KIF21A: variants seen among roughly 807,000 people sequenced by gnomAD.
KIF21A encodes kinesin family member 21A, also known as kinesin-like protein KIF21A.
Under a neutral mutation model 202.9 loss-of-function variants are expected in KIF21A, and 114 were observed. That is an observed-to-expected ratio of 0.56 (90% CI 0.48 to 0.66). The LOEUF (loss-of-function observed/expected upper bound fraction) is 0.66, where lower values mean the gene tolerates loss of function less well. Among genes scored for constraint, KIF21A ranks in the 30% least tolerant of loss-of-function variants. The pLI, the probability that KIF21A is intolerant of heterozygous loss-of-function variation, is 0.00. For missense variants in KIF21A, 1,677 were observed against 1,994.9 expected (o/e 0.84, Z 3.04); for synonymous variants, 667 against 670.8 (o/e 0.99, Z 0.09).
intron 1 of KIF21A, among the ~76,000 whole-genome samples, chr12:39,422,806 A>G (rs530751370): frequency 6.6e-6 from 1 of 152,284 alleles, no homozygotes; most frequent in South Asian, 2.1e-4. Context: ...ATATCCTCTA[A>G]TTTGGCCCCA....
Position 39,397,859 on chromosome 12 carries a change from T to C in KIF21A, c.45-27598A>G, listed in dbSNP as rs565430488. Among the ~76,000 whole-genome samples, 5 of 152,288 alleles carry C rather than the reference T, an allele frequency of 3.3e-5. No individual in the cohort carries two copies. In the South Asian group the frequency reaches 1.0e-3, roughly 32 times the overall value. On this transcript the variant is annotated intron_variant, in intron 1 of 37. Coordinates refer to ENST00000361418, the MANE Select transcript of KIF21A (RefSeq NM_001173464.2). ...TAATGACAGGCACTATCCAGAAACA[T>C]GTAAATAGCTGAATGCAGAGCTTAC...
intron 7 of KIF21A, among the ~76,000 whole-genome samples, chr12:39,360,574 G>A (rs61937872): frequency 0.052 from 7,981 of 152,044 alleles, 314 homozygotes; most frequent in Non-Finnish European, 0.079. Flanking sequence ...GTTTCTATTA[G>A]TAGAAACGGG....
intron 1 of KIF21A, among the ~76,000 whole-genome samples, chr12:39,401,450 A>G (rs1320460635): frequency 6.6e-6 from 1 of 152,206 alleles, no homozygotes; most frequent in Non-Finnish European, 1.5e-5. Context: ...ATATTTGGGG[A>G]AAAAACAAAA....
chr12:39,344,287 C>T (rs756178311), intron 12 of KIF21A, among the ~76,000 whole-genome samples: 1 of 152,140 alleles, frequency 6.6e-6, no homozygotes, highest in Non-Finnish European at 1.5e-5. Context: ...TTCATCCAAT[C>T]ATCAATTAAA....
chr12:39,429,749 T>A (rs1183714094), intron 1 of KIF21A, among the ~76,000 whole-genome samples: 1 of 152,036 alleles, frequency 6.6e-6, no homozygotes, highest in East Asian at 1.9e-4. Context: ...CTTAAGGTGA[T>A]TTTGAAAGAA....
chr12:39,357,725 C>T (rs912597140), intron 8 of KIF21A, among the ~76,000 whole-genome samples: 6 of 151,348 alleles, frequency 4.0e-5, no homozygotes, highest in Non-Finnish European at 5.9e-5. Flanking sequence ...GCCTGGCCAA[C>T]GTGGTGAAAC....
At chr12:39,347,589 C>G (rs1948009168) in intron 11 of KIF21A, among the ~76,000 whole-genome samples, 1 of 151,874 alleles carries the variant, frequency 6.6e-6, no homozygotes, top group Admixed American at 6.6e-5. Flanking sequence ...GTAAGTGCTC[C>G]CATGTGATTC....
At chr12:39,387,447 G>C (rs897662050) in intron 1 of KIF21A, among the ~76,000 whole-genome samples, 1 of 152,140 alleles carries the variant, frequency 6.6e-6, no homozygotes, top group Non-Finnish European at 1.5e-5. Context: ...AGGCAAGCTT[G>C]CCAGGAGGCT....
rs1161423002 is a variant in KIF21A, at chr12:39,370,185, C to G, written c.121G>C (p.Val41Leu). The G allele has an allele frequency of 1.2e-6, 2 of 1,613,560 alleles. No individual in the cohort carries two copies. Among genetic ancestry groups the G allele is most frequent in the East Asian group, 4.5e-5 (2 of 44,850 alleles). The stretch of plus-strand genomic sequence containing the variant: ...AAAGCCTTATCTTTCCCTAGGAAGA[C>G]CTGAGGCTCTCCTGGTGTGACAGAT... ...CTSVTPGEPQ[V>L]FLGKDKAFTF... Residue 41 changes from valine to leucine, a missense_variant, in exon 2 of 38, where the codon GTC becomes CTC. This residue lies in a region of KIF21A where 966 missense variants were observed against 1,180.9 expected (regional missense o/e 0.82). Transcript: ENST00000361418.
chr12:39,356,110 G>A (rs773867129), intron 10 of KIF21A, among the ~76,000 whole-genome samples: 5 of 152,166 alleles, frequency 3.3e-5, no homozygotes, highest in Admixed American at 1.3e-4. Flanking sequence ...CAGTCATCAC[G>A]GGAAACCGTG....
intron 24 of KIF21A, 86 bp from the exon 25 acceptor site, chr12:39,326,410 A>G: frequency 1.2e-6 from 1 of 858,178 alleles, no homozygotes; most frequent in Non-Finnish European, 2.0e-6. Context: ...AATAAACAAC[A>G]GCTCAACATC....
chr12:39,338,270 AATAG>A (rs1947149685), intron 16 of KIF21A, among the ~76,000 whole-genome samples: 1 of 152,206 alleles, frequency 6.6e-6, no homozygotes, highest in Non-Finnish European at 1.5e-5. Context: ...AAAAACTTAA[AATAG>A]ATAAAAGCTT....
At chr12:39,392,305 A>C (rs1592511652) in intron 1 of KIF21A, among the ~76,000 whole-genome samples, 1 of 152,166 alleles carries the variant, frequency 6.6e-6, no homozygotes, top group African/African-American at 2.4e-5. Flanking sequence ...TTGTGACATA[A>C]ATATATGTCT....
At chr12:39,371,516 T>C (rs182802501) in intron 1 of KIF21A, among the ~76,000 whole-genome samples, 234 of 152,322 alleles carry the variant, frequency 1.5e-3, no homozygotes, top group African/African-American at 5.5e-3. Flanking sequence ...CTATAGGCTC[T>C]ATAAACAGGA....
intron 33 of KIF21A, among the ~76,000 whole-genome samples, chr12:39,309,342 T>C (rs1371935350): frequency 6.6e-6 from 1 of 152,078 alleles, no homozygotes; most frequent in Admixed American, 6.5e-5. Flanking sequence ...AAATGTATAC[T>C]TAGTCACCGA....
intron 10 of KIF21A, among the ~76,000 whole-genome samples, chr12:39,352,905 A>C (rs1424212760): frequency 6.6e-6 from 1 of 152,198 alleles, no homozygotes; most frequent in Non-Finnish European, 1.5e-5. Flanking sequence ...GGATTCAGAG[A>C]GTCCTCTAGG....
chr12:39,394,946 TC>T (rs1271602597), intron 1 of KIF21A, among the ~76,000 whole-genome samples: 1 of 152,190 alleles, frequency 6.6e-6, no homozygotes, highest in Non-Finnish European at 1.5e-5. Flanking sequence ...ATGCTAGTCT[TC>T]CTAGCCTTCT....
intron 21 of KIF21A, 116 bp downstream of exon 21, chr12:39,332,098 T>A: frequency 1.1e-6 from 1 of 949,860 alleles, no homozygotes; most frequent in Non-Finnish European, 1.6e-6. Flanking sequence ...ACCTAAGCAT[T>A]AGATTAGACC....
chr12:39,341,001 T>A lies in KIF21A; in HGVS notation c.2015A>T (p.Gln672Leu). Reference protein sequence around the residue: ...DELENSQKRLQTLKKQYEEKL... With the variant: ...DELENSQKRLLTLKKQYEEKL... ...CTCTTCATACTGCTTTTTCAGAGTC[T>A]GCAGTCTTTTCTGGCTGTTTTCTAG... The change falls in exon 15 of 38, where the codon CAG becomes CTG. Residue 672 changes from glutamine (Q) to leucine (L), a missense_variant. Physicochemically the swap from Gln to Leu is moderately radical, Grantham distance 113. Around this residue, in one of 3 missense-constraint regions of KIF21A, gnomAD observed 966 missense variants for 1,180.9 expected, o/e 0.82. Coordinates refer to ENST00000361418, the MANE Select transcript of KIF21A (RefSeq NM_001173464.2). 6.2e-7 allele frequency: 1 copy of A among 1,612,968 alleles called. No individual in the cohort carries two copies. The highest frequency in any genetic ancestry group is 8.5e-7 in the Non-Finnish European group (1 of 1,179,252).
Sources: gnomAD v4.1 joint callset for allele counts (sites outside exome capture counted in the v4.1 genomes callset) on GRCh38, gnomAD v4.1.1 for gene constraint, gnomAD v4.1.1 regional missense constraint, MANE v1.5 for transcripts, NCBI Gene and HGNC (gene_info 2026-07-23, HGNC 2026-07-21) for gene names.